Variants in MYRFL observed in about 807,000 individuals in gnomAD.
The protein encoded by MYRFL is myelin regulatory factor like.
A neutral mutation model predicts 109.4 loss-of-function variants in MYRFL; 88 were observed. The ratio of observed to expected loss-of-function variants is 0.80; its 90% CI spans 0.68 to 0.96. The LOEUF (loss-of-function observed/expected upper bound fraction) is 0.96, where lower values mean the gene tolerates loss of function less well. MYRFL is among the 40% of genes least tolerant of loss of function. The pLI is 0.00. For missense variants in MYRFL, 957 were observed against 954.9 expected (o/e 1.00, Z -0.03); for synonymous variants, 324 against 320.9 (o/e 1.01, Z -0.10).
intron 1 of MYRFL, among the ~76,000 whole-genome samples, chr12:69,842,956 G>T (rs1883329667): frequency 6.6e-6 from 1 of 152,192 alleles, no homozygotes; most frequent in African/African-American, 2.4e-5. Flanking sequence ...GACACAGAAT[G>T]AACACTAAGT....
At position 69,892,619 on chromosome 12, in the gene MYRFL, G is replaced by A. The variant is rs142549275; in HGVS notation, c.904-1145G>A. Among the ~76,000 whole-genome samples the A allele has an allele frequency of 7.5e-3, 1,148 of 152,256 alleles. 9 individuals carry two copies. The highest frequency in any genetic ancestry group is 0.012 in the Non-Finnish European group (793 of 68,018). ...AGCTAACCTGGGCTTAGGCACTAAGGCTTGGCTGCTGCACACATAACTGTT... is the reference window on the plus strand; with the variant it reads ...AGCTAACCTGGGCTTAGGCACTAAGACTTGGCTGCTGCACACATAACTGTT... On this transcript the variant is annotated intron_variant, in intron 7 of 24. Transcript: ENST00000552032.
chr12:69,898,758 A>G (rs1175211868), intron 10 of MYRFL, among the ~76,000 whole-genome samples: 1 of 152,248 alleles, frequency 6.6e-6, no homozygotes, highest in African/African-American at 2.4e-5. Context: ...TCACCTGCAT[A>G]CTTGGAATAA....
intron 2 of MYRFL, among the ~76,000 whole-genome samples, chr12:69,876,109 T>C (rs1254678294): frequency 6.6e-6 from 1 of 152,228 alleles, no homozygotes; most frequent in Non-Finnish European, 1.5e-5. Flanking sequence ...TCCCCTGCTC[T>C]TATCTTTCTT....
At chr12:69,897,850 C>A (rs1344781238) in intron 10 of MYRFL, among the ~76,000 whole-genome samples, 1 of 152,180 alleles carries the variant, frequency 6.6e-6, no homozygotes, top group Non-Finnish European at 1.5e-5. Flanking sequence ...TACTGTCTAG[C>A]ACATGGGAAT....
chr12:69,929,644 GT>G (rs563631235), intron 15 of MYRFL, among the ~76,000 whole-genome samples: 2 of 152,218 alleles, frequency 1.3e-5, no homozygotes, highest in South Asian at 4.1e-4. Context: ...CAATATCTAA[GT>G]TGTATAGTTT....
At chr12:69,915,947 A>T (rs1395488344) in intron 13 of MYRFL, among the ~76,000 whole-genome samples, 2 of 152,148 alleles carry the variant, frequency 1.3e-5, no homozygotes, top group East Asian at 3.9e-4. Flanking sequence ...ACTGCCTTAA[A>T]GTAATTCACA....
intron 12 of MYRFL, among the ~76,000 whole-genome samples, chr12:69,910,353 C>G (rs1340869835): frequency 6.6e-6 from 1 of 151,998 alleles, no homozygotes; most frequent in Non-Finnish European, 1.5e-5. Flanking sequence ...GCTGAGGGTT[C>G]AGGGACAGAT....
chr12:69,917,460 A>G (rs1954776237), intron 13 of MYRFL, among the ~76,000 whole-genome samples: 1 of 145,408 alleles, frequency 6.9e-6, no homozygotes, highest in Non-Finnish European at 1.5e-5. Context: ...TTTTAAAACT[A>G]TCCAACACTT....
intron 19 of MYRFL, among the ~76,000 whole-genome samples, chr12:69,944,664 C>T (rs1244810738): frequency 1.7e-4 from 26 of 151,180 alleles, no homozygotes; most frequent in Non-Finnish European, 1.0e-4. Context: ...TGCACATGTA[C>T]CCTAAAACTT....
chr12:69,856,888 T>A (rs935166917), intron 2 of MYRFL, among the ~76,000 whole-genome samples: 1 of 151,958 alleles, frequency 6.6e-6, no homozygotes, highest in South Asian at 2.1e-4. Context: ...AGCAAAAGTT[T>A]TAATTTTGAT....
At chr12:69,862,294 T>G (rs1308845742) in intron 2 of MYRFL, among the ~76,000 whole-genome samples, 1 of 150,280 alleles carries the variant, frequency 6.7e-6, no homozygotes, top group Non-Finnish European at 1.5e-5. Context: ...AGAAAGTCAT[T>G]GGTAGCTTGA....
Position 69,955,384 on chromosome 12 carries a change from T to C in MYRFL, c.2397T>C (p.Asn799=), listed in dbSNP as rs1347701813. The C allele has an allele frequency of 4.5e-6, 3 of 660,824 alleles. No homozygotes were observed. The highest frequency in any genetic ancestry group is 5.0e-5 in the Admixed American group (2 of 40,084). The allele number at this position is 660,824 out of a possible 1,614,324, so 40.9% of individuals were successfully genotyped here. The part of the protein sequence containing the change: ...LQCGSGNYNY[N]IPVNKHTPTN... ...TTAGATCTGGAAATTATAATTACAA[T>C]ATTCCTGTTAATAAACACACACCCA... The change falls in exon 22 of 25, where the codon AAT becomes AAC. Residue 799 remains asparagine (N), a synonymous_variant. Transcript: ENST00000552032.
chr12:69,924,517 GGACATTTTGTTTGATT>G (rs1955011972), intron 13 of MYRFL, among the ~76,000 whole-genome samples: 1 of 151,390 alleles, frequency 6.6e-6, no homozygotes, highest in Admixed American at 6.6e-5. Flanking sequence ...CCCTATTAAT[GGACATTTTGTTTGATT>G]GTGGTCTCTT....
At chr12:69,875,262 AG>A (rs1885592938) in intron 2 of MYRFL, among the ~76,000 whole-genome samples, 1 of 151,676 alleles carries the variant, frequency 6.6e-6, no homozygotes, top group Non-Finnish European at 1.5e-5. Flanking sequence ...TTCTGTTTTA[AG>A]CCCATCTAAT....
At chr12:69,916,006 G>A (rs979319059) in intron 13 of MYRFL, among the ~76,000 whole-genome samples, 4 of 151,752 alleles carry the variant, frequency 2.6e-5, no homozygotes, top group African/African-American at 9.7e-5. Context: ...ATTATTCCTT[G>A]GACAATTCTT....
intron 13 of MYRFL, among the ~76,000 whole-genome samples, chr12:69,919,109 G>C (rs1319203265): frequency 6.6e-6 from 1 of 152,120 alleles, no homozygotes; most frequent in Non-Finnish European, 1.5e-5. Context: ...GCATATCATA[G>C]GTGCTTAATA....
chr12:69,860,583 GTCTA>G (rs770893898), intron 2 of MYRFL, among the ~76,000 whole-genome samples: 53 of 151,822 alleles, frequency 3.5e-4, no homozygotes, highest in Admixed American at 7.2e-4. Flanking sequence ...TTGGATTTGA[GTCTA>G]TCTTTTTCTT....
At chr12:69,935,965 C>A in intron 16 of MYRFL, 148 bp from the exon 17 acceptor site, 2 of 856,800 alleles carry the variant, frequency 2.3e-6, no homozygotes, top group Non-Finnish European at 3.5e-6. Flanking sequence ...CATGGTGTTT[C>A]TGTCAGCCGT....
chr12:69,846,553 T>C (rs1380897411), intron 1 of MYRFL, among the ~76,000 whole-genome samples: 2 of 152,034 alleles, frequency 1.3e-5, no homozygotes, highest in Non-Finnish European at 2.9e-5. Context: ...CTGCATAGTA[T>C]TCCATGGTGT....
Sources: gnomAD v4.1 joint callset for allele counts (sites outside exome capture counted in the v4.1 genomes callset) on GRCh38, gnomAD v4.1.1 for gene constraint, MANE v1.5 for transcripts, NCBI Gene and HGNC (gene_info 2026-07-23, HGNC 2026-07-21) for gene names.